RORA: variants seen among roughly 807,000 people sequenced by gnomAD.
RORA encodes RAR related orphan receptor A.
In RORA, 7 loss-of-function variants were observed where a neutral mutation model predicts 69.5. The observed-to-expected ratio is 0.10, with a 90% CI of 0.06 to 0.19. RORA has a LOEUF of 0.19. Among genes scored for constraint, RORA ranks in the 10% least tolerant of loss-of-function variants. The probability of loss-of-function intolerance (pLI) is 1.00; values close to 1 mark genes in which losing one functional copy is unlikely to be tolerated. For synonymous variants in RORA, 261 were observed against 240.8 expected, an observed-to-expected ratio of 1.08 and a Z score of -0.78; for missense variants, 457 against 663.0, an observed-to-expected ratio of 0.69 and a Z score of 3.41.
chr15:60,826,757 CT>C (rs1567204714), intron 1 of RORA, among the ~76,000 whole-genome samples: 2 of 86,762 alleles, frequency 2.3e-5, no homozygotes, highest in East Asian at 4.3e-4. Flanking sequence ...CTCTCTCTCT[CT>C]CTCTCTCCCT....
rs186913614 is a variant in RORA at position 60,698,265 on chromosome 15, G to T, written c.167-19579C>A. ...GCAATGGCCTAAAAACAATAAAAAA[G>T]CCCCACTAAAAGCTGGCTTGCTTTT... On this transcript the variant is annotated intron_variant, in intron 1 of 10. Transcript: ENST00000335670. Among the ~76,000 whole-genome samples the T allele has an allele frequency of 1.1e-3, 167 of 152,174 alleles. 1 individual carries two copies. Among genetic ancestry groups the T allele is most frequent in the African/African-American group, 3.9e-3 (162 of 41,530 alleles).
intron 1 of RORA, among the ~76,000 whole-genome samples, chr15:60,909,429 G>A (rs1194325551): frequency 2.6e-5 from 4 of 152,218 alleles, no homozygotes; most frequent in Non-Finnish European, 4.4e-5. Flanking sequence ...AATGTTAGCA[G>A]TAAACCCAAG....
chr15:61,133,409 T>A (rs1424451313), intron 1 of RORA, among the ~76,000 whole-genome samples: 4 of 152,092 alleles, frequency 2.6e-5, no homozygotes, highest in Non-Finnish European at 5.9e-5. Context: ...TTCCGCAAGG[T>A]TACATAACCA....
chr15:60,945,798 G>A (rs1183004870), intron 1 of RORA, among the ~76,000 whole-genome samples: 3 of 152,352 alleles, frequency 2.0e-5, no homozygotes, highest in African/African-American at 7.2e-5. Context: ...GGTCACTTCT[G>A]TTTGTGGGAA....
chr15:61,126,082 A>G (rs1474016777), intron 1 of RORA, among the ~76,000 whole-genome samples: 1 of 152,196 alleles, frequency 6.6e-6, no homozygotes, highest in Non-Finnish European at 1.5e-5. Context: ...CTTTTCTTTA[A>G]AAAGCTCCTC....
At chr15:61,004,503 C>T (rs1427659747) in intron 1 of RORA, among the ~76,000 whole-genome samples, 1 of 151,870 alleles carries the variant, frequency 6.6e-6, no homozygotes, top group Non-Finnish European at 1.5e-5. Flanking sequence ...TGGTCCAGGT[C>T]CCCGGAGCTA....
chr15:60,502,746 T>G lies in RORA; in HGVS notation c.1183+14A>C. The G allele has an allele frequency of 4.0e-5, 60 of 1,515,474 alleles. No homozygotes were observed. Among genetic ancestry groups the G allele is most frequent in the Non-Finnish European group, 4.9e-5 (53 of 1,090,740 alleles). 93.9% of individuals were successfully genotyped at this position (1,515,474 alleles called of 1,614,324 possible). A position where few individuals can be genotyped will look rare whatever the true frequency, so the allele number is the denominator to read the frequency against. On this transcript the variant is annotated intron_variant, in intron 8 of 10. Transcript: ENST00000335670. ...GCCCTGATTTGAAGAAAAGGCACCT[T>G]GATATCCCCTTACCTAAGGATTTGA...
At chr15:60,901,560 C>T (rs537254453) in intron 1 of RORA, among the ~76,000 whole-genome samples, 1 of 152,334 alleles carries the variant, frequency 6.6e-6, no homozygotes, top group East Asian at 1.9e-4. Flanking sequence ...TTGTAAATTA[C>T]ACCCAAATAA....
intron 4 of RORA, among the ~76,000 whole-genome samples, chr15:60,514,177 G>A (rs1373395062): frequency 6.6e-6 from 1 of 152,172 alleles, no homozygotes; most frequent in African/African-American, 2.4e-5. Flanking sequence ...TATCCAGTTA[G>A]CATAAAAGCG....
chr15:61,147,016 G>C lies in RORA; in HGVS notation c.166+82037C>G, dbSNP rs76895275. 5.3e-4 allele frequency among the ~76,000 whole-genome samples: 80 copies of C among 151,998 alleles called. 1 individual carries two copies. Among genetic ancestry groups the C allele is most frequent in the African/African-American group, 1.9e-3 (78 of 41,464 alleles). On this transcript the variant is annotated intron_variant, in intron 1 of 10. Coordinates refer to ENST00000335670, the MANE Select transcript of RORA (RefSeq NM_134261.3). This position sits in a 1 kb window ranked among gnomAD's most constrained non-coding sequence, Gnocchi z 4.1. ...AAACCCTCTTCAGGCTATTCATGGT[G>C]GGGGGCAGTCACGGGGGAACTAAAT...
chr15:61,216,132 C>T (rs905963498), intron 1 of RORA, among the ~76,000 whole-genome samples: 1 of 152,152 alleles, frequency 6.6e-6, no homozygotes, highest in African/African-American at 2.4e-5. Context: ...TTTGACCTAT[C>T]CTAGTCCAGT....
chr15:60,602,051 C>G (rs566058150), intron 2 of RORA, among the ~76,000 whole-genome samples: 2 of 152,140 alleles, frequency 1.3e-5, no homozygotes, highest in Admixed American at 6.5e-5. Context: ...AAGCCCAACT[C>G]GCCCATTATT....
intron 1 of RORA, among the ~76,000 whole-genome samples, chr15:60,781,383 G>A (rs1385640326): frequency 6.6e-6 from 1 of 152,138 alleles, no homozygotes. Context: ...CAGAGTCCTC[G>A]TGCTGGGGCT....
intron 1 of RORA, among the ~76,000 whole-genome samples, chr15:60,864,578 T>C (rs1400502246): frequency 1.3e-5 from 2 of 151,864 alleles, no homozygotes; most frequent in Non-Finnish European, 2.9e-5. Flanking sequence ...TCCATGTAGG[T>C]GAAAATGGAT....
Position 60,812,306 on chromosome 15 carries a change from C to G in RORA, c.167-133620G>C, listed in dbSNP as rs561745341. On this transcript the variant is annotated intron_variant, in intron 1 of 10. Transcript: ENST00000335670. ...AATGCTTAAGCCCAGGAGTTTGAGA[C>G]CAGCCTGAGCAACATACTGAGACCC... Among the ~76,000 whole-genome samples, 9 of 152,234 alleles carry G rather than the reference C, an allele frequency of 5.9e-5. No individual in the cohort carries two copies. In the East Asian group the frequency reaches 1.5e-3, roughly 26 times the overall value.
chr15:61,208,979 T>C (rs989789933), intron 1 of RORA, among the ~76,000 whole-genome samples: 1 of 152,218 alleles, frequency 6.6e-6, no homozygotes, highest in African/African-American at 2.4e-5. Context: ...CTTATATTTT[T>C]CGTTTTCTTG....
At chr15:60,929,844 G>C (rs1428574464) in intron 1 of RORA, among the ~76,000 whole-genome samples, 1 of 152,142 alleles carries the variant, frequency 6.6e-6, no homozygotes, top group Non-Finnish European at 1.5e-5. Flanking sequence ...ATACGGACCT[G>C]GGAAGTCTAG....
intron 1 of RORA, among the ~76,000 whole-genome samples, chr15:60,691,861 A>G (rs1209752558): frequency 6.6e-6 from 1 of 152,240 alleles, no homozygotes; most frequent in East Asian, 1.9e-4. Context: ...TGTAAAGGTT[A>G]TAACCCAACT....
At chr15:61,060,180 T>C (rs768791355) in intron 1 of RORA, among the ~76,000 whole-genome samples, 1 of 152,202 alleles carries the variant, frequency 6.6e-6, no homozygotes, top group Admixed American at 6.5e-5. Flanking sequence ...AGGAAATGAA[T>C]AGATTGTAAA....
Sources: gnomAD v4.1 joint callset for allele counts (sites outside exome capture counted in the v4.1 genomes callset) on GRCh38, gnomAD v4.1.1 for gene constraint, Gnocchi (gnomAD v3.1) non-coding constraint, MANE v1.5 for transcripts, NCBI Gene and HGNC (gene_info 2026-07-23, HGNC 2026-07-21) for gene names.